PCDHGA12: variants seen among roughly 807,000 people sequenced by gnomAD.
The protein encoded by PCDHGA12 is protocadherin gamma-A12.
Under a neutral mutation model 61.1 loss-of-function variants are expected in PCDHGA12, and 43 were observed. The observed-to-expected ratio is 0.70, with a 90% CI of 0.55 to 0.91. The LOEUF (loss-of-function observed/expected upper bound fraction) is 0.91, where lower values mean the gene tolerates loss of function less well. Among genes scored for constraint, PCDHGA12 ranks in the 40% least tolerant of loss-of-function variants. The pLI, the probability that PCDHGA12 is intolerant of heterozygous loss-of-function variation, is 0.00. For missense variants in PCDHGA12, 1,236 were observed against 1,227.7 expected (o/e 1.01, Z -0.10); for synonymous variants, 520 against 542.9 (o/e 0.96, Z 0.59).
At chr5:141,510,509 C>G (rs146315792) in intron 3 of PCDHGA12, among the ~76,000 whole-genome samples, 13 of 152,204 alleles carry the variant, frequency 8.5e-5, no homozygotes, top group Non-Finnish European at 1.6e-4. Flanking sequence ...ACTGAGAGCC[C>G]GTGTCACAGC....
intron 2 of PCDHGA12, among the ~76,000 whole-genome samples, chr5:141,498,114 G>C (rs1336064850): frequency 6.6e-6 from 1 of 152,196 alleles, no homozygotes; most frequent in East Asian, 1.9e-4. Flanking sequence ...CGTATAATAG[G>C]GATTTGATTT....
Position 141,491,509 on chromosome 5 carries a change from C to T in PCDHGA12, c.2425-3298C>T. 6.2e-7 allele frequency: 1 copy of T among 1,614,058 alleles called. No individual in the cohort carries two copies. Among genetic ancestry groups the T allele is most frequent in the Non-Finnish European group, 8.5e-7 (1 of 1,180,022 alleles). On this transcript the variant is annotated intron_variant, in intron 1 of 3. Coordinates refer to ENST00000252085, the MANE Select transcript of PCDHGA12 (RefSeq NM_003735.3). The surrounding 1 kb of genome is among the most constrained non-coding windows in gnomAD (Gnocchi z 6.9). Reference sequence around the variant, plus strand: ...CCTGCAGGTGAGCTCGGACGGCACGCTCAAGTACATGGAGGTGACGCTGCG... The same window carrying T: ...CCTGCAGGTGAGCTCGGACGGCACGTTCAAGTACATGGAGGTGACGCTGCG...
chr5:141,475,731 C>T (rs991175739), intron 1 of PCDHGA12, among the ~76,000 whole-genome samples: 1 of 152,248 alleles, frequency 6.6e-6, no homozygotes, highest in African/African-American at 2.4e-5. Context: ...GGCTGGCTTT[C>T]CCTAAGGTAG....
In PCDHGA12 at chr5:141,432,929, C is replaced by T. The variant is rs759937939; in HGVS notation, c.2170C>T (p.Leu724=). Residue 724 remains leucine (L), a synonymous_variant, in exon 1 of 4, where the codon CTG becomes TTG. Coordinates refer to ENST00000252085, the MANE Select transcript of PCDHGA12 (RefSeq NM_003735.3). This position sits in a 1 kb window ranked among gnomAD's most constrained non-coding sequence, Gnocchi z 6.0. ...LRLRRWHKSR[L]LQASGGGLTG... ...GCTGCGGCGCTGGCACAAGTCACGCCTGCTGCAGGCTTCAGGAGGCGGCTT... is the reference window on the plus strand; with the variant it reads ...GCTGCGGCGCTGGCACAAGTCACGCTTGCTGCAGGCTTCAGGAGGCGGCTT... The T allele has an allele frequency of 6.2e-7, 1 of 1,614,078 alleles. No individual in the cohort carries two copies. Among genetic ancestry groups the T allele is most frequent in the African/African-American group, 1.3e-5 (1 of 74,948 alleles).
At chr5:141,471,965 G>A (rs919560714) in intron 1 of PCDHGA12, among the ~76,000 whole-genome samples, 4 of 152,160 alleles carry the variant, frequency 2.6e-5, no homozygotes, top group Non-Finnish European at 4.4e-5. Context: ...GGGGTTGGTT[G>A]CATTACTGTA....
At chr5:141,443,820 T>A (rs1329478151) in intron 1 of PCDHGA12, among the ~76,000 whole-genome samples, 1 of 151,986 alleles carries the variant, frequency 6.6e-6, no homozygotes, top group Non-Finnish European at 1.5e-5. Context: ...TTGGAAAACA[T>A]AATTAGGTAA....
rs776258973 is a variant in PCDHGA12, at chr5:141,489,877, A to G, written c.2425-4930A>G. 1.2e-6 allele frequency: 2 copies of G among 1,614,230 alleles called. No individual in the cohort carries two copies. The highest frequency in any genetic ancestry group is 2.2e-5 in the South Asian group (2 of 91,090). Reference sequence around the variant, plus strand: ...CCAGGCAAGACATCAGCTGGTGCTTACTGCTGTGGATGGGGGGACCCCAGC... The same window carrying G: ...CCAGGCAAGACATCAGCTGGTGCTTGCTGCTGTGGATGGGGGGACCCCAGC... On this transcript the variant is annotated intron_variant, in intron 1 of 3. Coordinates refer to ENST00000252085, the MANE Select transcript of PCDHGA12 (RefSeq NM_003735.3). This position sits in a 1 kb window ranked among gnomAD's most constrained non-coding sequence, Gnocchi z 4.5.
At chr5:141,446,718 C>G (rs1279970040) in intron 1 of PCDHGA12, among the ~76,000 whole-genome samples, 1 of 152,174 alleles carries the variant, frequency 6.6e-6, no homozygotes, top group Non-Finnish European at 1.5e-5. Flanking sequence ...CTGCCCGCCT[C>G]GGCCTCCCAA....
intron 1 of PCDHGA12, among the ~76,000 whole-genome samples, 197 bp from the exon 2 acceptor site, chr5:141,494,610 T>C (rs1428159953): frequency 6.6e-6 from 1 of 152,152 alleles, no homozygotes; most frequent in Non-Finnish European, 1.5e-5. Flanking sequence ...GATTTATCTC[T>C]TGGTTTCTGG....
chr5:141,476,597 G>C lies in PCDHGA12; in HGVS notation c.2425-18210G>C, dbSNP rs2099394582. On this transcript the variant is annotated intron_variant, in intron 1 of 3. Coordinates refer to ENST00000252085, the MANE Select transcript of PCDHGA12 (RefSeq NM_003735.3). The surrounding 1 kb of genome is among the most constrained non-coding windows in gnomAD (Gnocchi z 7.6). ...GCGCTTTCCGCTCGAGAGCGCGCAC[G>C]ATCCCGATGTGGGAAGCAACTCTTT... The C allele has an allele frequency of 1.2e-6, 2 of 1,614,112 alleles. No individual in the cohort carries two copies. The highest frequency in any genetic ancestry group is 1.7e-6 in the Non-Finnish European group (2 of 1,180,046).
intron 1 of PCDHGA12, among the ~76,000 whole-genome samples, chr5:141,467,814 A>G (rs2099152300): frequency 6.6e-6 from 1 of 151,978 alleles, no homozygotes; most frequent in Non-Finnish European, 1.5e-5. Flanking sequence ...ACATGCCACC[A>G]CACCAGGCTG....
In PCDHGA12 at chr5:141,486,194, C is replaced by A. The variant is rs1248456800; in HGVS notation, c.2425-8613C>A. The A allele has an allele frequency of 6.2e-7, 1 of 1,614,196 alleles. No individual in the cohort carries two copies. Among genetic ancestry groups the A allele is most frequent in the Non-Finnish European group, 8.5e-7 (1 of 1,180,026 alleles). ...ACATTGCAGCCTTCGAGTGGATCTG[C>A]TGGACGTAAATGACAATGCCCCTTA... On this transcript the variant is annotated intron_variant, in intron 1 of 3. Transcript: ENST00000252085. The surrounding 1 kb of genome is among the most constrained non-coding windows in gnomAD (Gnocchi z 5.0).
chr5:141,476,071 T>A lies in PCDHGA12; in HGVS notation c.2425-18736T>A. On this transcript the variant is annotated intron_variant, in intron 1 of 3. Transcript: ENST00000252085. The surrounding 1 kb of genome is among the most constrained non-coding windows in gnomAD (Gnocchi z 7.6). ...CCGCTGAAAGTTTCTCAGCGAAATC[T>A]CAGGGACGATCTGGACCCCGCTGAG... 6.6e-7 allele frequency: 1 copy of A among 1,522,792 alleles called. No individual in the cohort carries two copies. The highest frequency in any genetic ancestry group is 8.8e-7 in the Non-Finnish European group (1 of 1,142,680). 94.3% of individuals were successfully genotyped at this position (1,522,792 alleles called of 1,614,324 possible).
At position 141,485,291 on chromosome 5, in the gene PCDHGA12, C is replaced by A. The variant is rs114678203; in HGVS notation, c.2425-9516C>A. 436 of 1,614,150 alleles carry A rather than the reference C, an allele frequency of 2.7e-4. No homozygotes were observed. Among genetic ancestry groups the A allele is most frequent in the Middle Eastern group, 8.2e-4 (5 of 6,062 alleles). Reference sequence around the variant, plus strand: ...CCGCTACCCGGTCCCAGAGGAGTCACAGGAAGGGACTTTTGTAGGGAATGT... The same window carrying A: ...CCGCTACCCGGTCCCAGAGGAGTCAAAGGAAGGGACTTTTGTAGGGAATGT... On this transcript the variant is annotated intron_variant, in intron 1 of 3. Coordinates refer to ENST00000252085, the MANE Select transcript of PCDHGA12 (RefSeq NM_003735.3). The surrounding 1 kb of genome is among the most constrained non-coding windows in gnomAD (Gnocchi z 5.7).
intron 1 of PCDHGA12, chr5:141,475,927 G>A: frequency 1.6e-6 from 1 of 628,480 alleles, no homozygotes; most frequent in South Asian, 2.1e-5. Flanking sequence ...CTGGAGATCG[G>A]GCCCCTGCCC....
Position 141,431,854 on chromosome 5 carries a change from A to G in PCDHGA12, c.1095A>G (p.Leu365=). Residue 365 remains leucine, a synonymous_variant, in exon 1 of 4, where the codon TTA becomes TTG. Coordinates refer to ENST00000252085, the MANE Select transcript of PCDHGA12 (RefSeq NM_003735.3). The surrounding 1 kb of genome is among the most constrained non-coding windows in gnomAD (Gnocchi z 4.8). The part of the protein sequence containing the change: ...SVPENSPRGT[L]IALLNVNDQD... Reference sequence around the variant, plus strand: ...CCGAAAACTCTCCCAGAGGGACATTAATTGCCCTTTTAAATGTAAATGACC... The same window carrying G: ...CCGAAAACTCTCCCAGAGGGACATTGATTGCCCTTTTAAATGTAAATGACC... The G allele has an allele frequency of 6.2e-7, 1 of 1,614,230 alleles. No individual in the cohort carries two copies. The highest frequency in any genetic ancestry group is 1.3e-5 in the African/African-American group (1 of 75,070).
At chr5:141,437,761 C>T (rs1200327020) in intron 1 of PCDHGA12, among the ~76,000 whole-genome samples, 1 of 144,680 alleles carries the variant, frequency 6.9e-6, no homozygotes, top group African/African-American at 2.6e-5. Context: ...TTTTTTGAGA[C>T]AGAGTCTCAA....
intron 3 of PCDHGA12, among the ~76,000 whole-genome samples, chr5:141,509,109 G>A (rs893509101): frequency 5.3e-5 from 8 of 152,240 alleles, no homozygotes; most frequent in African/African-American, 1.9e-4. Flanking sequence ...AAACCTGAGC[G>A]CTGGTGCGTG....
chr5:141,432,336 G>A lies in PCDHGA12; in HGVS notation c.1577G>A (p.Arg526Gln). The change falls in exon 1 of 4, where the codon CGA becomes CAA. Residue 526 changes from arginine (R) to glutamine (Q), a missense_variant. Arg to Gln is a conservative substitution (Grantham distance 43, BLOSUM62 1). Coordinates refer to ENST00000252085, the MANE Select transcript of PCDHGA12 (RefSeq NM_003735.3). The surrounding 1 kb of genome is among the most constrained non-coding windows in gnomAD (Gnocchi z 6.0). ...ALSSFDYEQF[R>Q]DLQVKVMARD... is the part of the protein sequence containing the mutation. ...AGCTCCTTCGACTACGAGCAGTTCC[G>A]AGACTTGCAAGTGAAAGTGATGGCG... 1.2e-6 allele frequency: 2 copies of A among 1,614,250 alleles called. No homozygotes were observed. The highest frequency in any genetic ancestry group is 1.7e-6 in the Non-Finnish European group (2 of 1,180,040).
Sources: gnomAD v4.1 joint callset for allele counts (sites outside exome capture counted in the v4.1 genomes callset) on GRCh38, gnomAD v4.1.1 for gene constraint, Gnocchi (gnomAD v3.1) non-coding constraint, MANE v1.5 for transcripts, NCBI Gene and HGNC (gene_info 2026-07-23, HGNC 2026-07-21) for gene names.